The following NGEF variants were observed in gnomAD, a reference collection of about 807,000 sequenced individuals.
The protein encoded by NGEF is ephexin-1.
NGEF carries 31 observed loss-of-function variants against 80.9 expected under a neutral mutation model. The observed-to-expected ratio is 0.38, with a 90% CI of 0.29 to 0.52. NGEF has a LOEUF of 0.52. Ranked by LOEUF, NGEF falls within the 20% of genes least tolerant of loss-of-function variation. The probability of loss-of-function intolerance (pLI) is 0.84; values close to 1 mark genes in which losing one functional copy is unlikely to be tolerated. For missense variants in NGEF, 709 were observed against 926.2 expected (o/e 0.77, Z 3.04); for synonymous variants, 371 against 370.2 (o/e 1.00, Z -0.03).
At chr2:232,984,057 T>A (rs1320855305) in intron 1 of NGEF, among the ~76,000 whole-genome samples, 1 of 152,198 alleles carries the variant, frequency 6.6e-6, no homozygotes, top group South Asian at 2.1e-4. Flanking sequence ...GTGAAGAGCA[T>A]GCGCTTTCCT....
Position 232,883,463 on chromosome 2 carries a change from G to T in NGEF, c.1605C>A (p.Asp535Glu). Residue 535 changes from aspartate (D) to glutamate (E), a missense_variant, in exon 12 of 15, where the codon GAC (aspartate) becomes GAA (glutamate). By Grantham distance (45) the Asp-to-Glu change is conservative. This residue lies in a region of NGEF where 426 missense variants were observed against 622.9 expected (regional missense o/e 0.68). Transcript: ENST00000264051. ...LLVICRQIPG[D>E]KYQVFDSAPR... ...GAGCTGAGTCAAATACCTGGTACTT[G>T]TCTCTGGAGATCAGGGAGAAGGGCA... 2 of 1,592,252 alleles carry T rather than the reference G, an allele frequency of 1.3e-6. No individual in the cohort carries two copies. Among genetic ancestry groups the T allele is most frequent in the Non-Finnish European group, 1.7e-6 (2 of 1,168,850 alleles).
intron 1 of NGEF, among the ~76,000 whole-genome samples, chr2:233,005,102 C>T (rs190665186): frequency 5.9e-5 from 9 of 152,326 alleles, no homozygotes; most frequent in Middle Eastern, 3.4e-3. Flanking sequence ...GATTGGGTCT[C>T]GTTGTCCTCG....
chr2:232,993,873 C>T lies in NGEF; in HGVS notation c.-74-18909G>A, dbSNP rs559475118. ...GAAACGTCCAGAACCGGAGACTCCACAGAGACTGAAAGCAGATGAATGGTT... is the reference window on the plus strand; with the variant it reads ...GAAACGTCCAGAACCGGAGACTCCATAGAGACTGAAAGCAGATGAATGGTT... On this transcript the variant is annotated intron_variant, in intron 1 of 14. Coordinates refer to ENST00000264051, the MANE Select transcript of NGEF (RefSeq NM_019850.3). Among the ~76,000 whole-genome samples, 324 of 152,252 alleles carry T rather than the reference C, an allele frequency of 2.1e-3. 2 individuals carry two copies. The highest frequency in any genetic ancestry group is 7.5e-3 in the African/African-American group (312 of 41,544).
chr2:232,993,001 A>ATG (rs1694680926), intron 1 of NGEF, among the ~76,000 whole-genome samples: 1 of 125,652 alleles, frequency 8.0e-6, no homozygotes. Flanking sequence ...ATATATATAT[A>ATG]TATACACACA....
Position 232,929,242 on chromosome 2 carries a change from T to TG in NGEF, c.384-2057dup, listed in dbSNP as rs569783282. The stretch of plus-strand genomic sequence containing the variant: ...TTGTTTAAATTAGCAAATTCTTCGT[T>TG]GGGGGGGATGCAAACATTCCTGGTG... On this transcript the variant is annotated intron_variant, in intron 3 of 14. Coordinates refer to ENST00000264051, the MANE Select transcript of NGEF (RefSeq NM_019850.3). 2.6e-3 allele frequency among the ~76,000 whole-genome samples: 392 copies of TG among 152,074 alleles called. 4 individuals carry two copies. Among genetic ancestry groups the TG allele is most frequent in the Middle Eastern group, 0.01 (3 of 294 alleles).
At chr2:232,985,575 A>ACCC (rs1694516698) in intron 1 of NGEF, among the ~76,000 whole-genome samples, 1 of 151,828 alleles carries the variant, frequency 6.6e-6, no homozygotes, top group South Asian at 2.1e-4. Context: ...ACATGGTGAA[A>ACCC]CCCTGTCTCT....
chr2:232,894,786 T>C lies in NGEF; in HGVS notation c.959A>G (p.Asn320Ser). ...ACTGACAGCCAGCACGTCCAGGACG[T>C]TGGAGAAGAGGATGTGCGCCTCGGA... ...HPSEAHILFSNVLDVLAVSER... is the reference protein window; with the variant it reads ...HPSEAHILFSSVLDVLAVSER... Residue 320 changes from asparagine (N) to serine (S), a missense_variant, in exon 6 of 15, where the codon AAC (asparagine) becomes AGC (serine). Asn to Ser is a conservative substitution (Grantham distance 46). Transcript: ENST00000264051. 7.5e-6 allele frequency: 12 copies of C among 1,608,566 alleles called. No homozygotes were observed. The highest frequency in any genetic ancestry group is 1.1e-5 in the South Asian group (1 of 90,856).
chr2:232,966,246 T>C (rs1025995847), intron 3 of NGEF, among the ~76,000 whole-genome samples: 6 of 152,144 alleles, frequency 3.9e-5, no homozygotes, highest in African/African-American at 9.7e-5. Flanking sequence ...GGGAGGTCTC[T>C]GACCACAATT....
At chr2:232,945,482 CACA>C (rs1305913505) in intron 3 of NGEF, among the ~76,000 whole-genome samples, 5 of 151,968 alleles carry the variant, frequency 3.3e-5, no homozygotes, top group Non-Finnish European at 7.4e-5. Context: ...CAGACACAGA[CACA>C]GACACAGACA....
chr2:233,007,986 C>T (rs758982087), intron 1 of NGEF, among the ~76,000 whole-genome samples: 20 of 152,338 alleles, frequency 1.3e-4, no homozygotes, highest in Non-Finnish European at 1.9e-4. Context: ...TTTCCTCCAA[C>T]GCTCAAGAAT....
At chr2:232,881,989 TCA>T (rs983035924) in intron 13 of NGEF, among the ~76,000 whole-genome samples, 195 bp downstream of exon 13, 2 of 152,198 alleles carry the variant, frequency 1.3e-5, no homozygotes, top group Non-Finnish European at 2.9e-5. Context: ...CATCCAGCAT[TCA>T]CACAGTGTGG....
chr2:232,980,534 T>C (rs1694391223), intron 1 of NGEF, among the ~76,000 whole-genome samples: 1 of 152,112 alleles, frequency 6.6e-6, no homozygotes, highest in South Asian at 2.1e-4. Flanking sequence ...AGTCTTGCTC[T>C]GTCGCCTAGG....
At chr2:232,966,624 A>C (rs1414045586) in intron 3 of NGEF, among the ~76,000 whole-genome samples, 1 of 152,098 alleles carries the variant, frequency 6.6e-6, no homozygotes, top group African/African-American at 2.4e-5. Flanking sequence ...AACTCCCCCA[A>C]ACAAAACCCA....
chr2:232,965,158 T>C (rs1559227076), intron 3 of NGEF, among the ~76,000 whole-genome samples: 1 of 152,248 alleles, frequency 6.6e-6, no homozygotes, highest in African/African-American at 2.4e-5. Context: ...GTAGTCTCTC[T>C]TTAATTGTTA....
chr2:232,882,061 T>C (rs183774590), intron 13 of NGEF, 125 bp downstream of exon 13: 18 of 814,716 alleles, frequency 2.2e-5, no homozygotes, highest in Non-Finnish European at 3.4e-5. Flanking sequence ...TGGAGGCCCG[T>C]GCAGGCCTCT....
intron 8 of NGEF, among the ~76,000 whole-genome samples, chr2:232,889,816 T>C (rs1691817928): frequency 6.6e-6 from 1 of 152,158 alleles, no homozygotes; most frequent in African/African-American, 2.4e-5. Context: ...GCCTCCTCTC[T>C]GTAATTCTGC....
chr2:232,938,479 C>CTA (rs1396214345), intron 3 of NGEF, among the ~76,000 whole-genome samples: 2 of 152,246 alleles, frequency 1.3e-5, no homozygotes, highest in African/African-American at 4.8e-5. Flanking sequence ...TTTCTCTGGA[C>CTA]TATTCCTAAC....
Position 232,984,468 on chromosome 2 carries a change from C to T in NGEF, c.-74-9504G>A, listed in dbSNP as rs111597824. 1.3e-3 allele frequency among the ~76,000 whole-genome samples: 200 copies of T among 152,148 alleles called. 2 individuals carry two copies. Among genetic ancestry groups the T allele is most frequent in the Middle Eastern group, 6.8e-3 (2 of 294 alleles). On this transcript the variant is annotated intron_variant, in intron 1 of 14. Coordinates refer to ENST00000264051, the MANE Select transcript of NGEF (RefSeq NM_019850.3). ...ATTTGTTTTTTACAGGATGGAAGTC[C>T]GATGCCAGAGAGTTGTAGGTTATGG...
intron 4 of NGEF, among the ~76,000 whole-genome samples, chr2:232,926,715 G>A (rs1452516303): frequency 6.6e-6 from 1 of 152,164 alleles, no homozygotes; most frequent in Non-Finnish European, 1.5e-5. Context: ...CCGCTGCACA[G>A]CTCAGCCGCG....
Sources: allele counts gnomAD v4.1 joint callset (sites outside exome capture counted in the v4.1 genomes callset), GRCh38; gene constraint gnomAD v4.1.1; regional missense constraint gnomAD v4.1.1; transcripts MANE v1.5; gene names NCBI Gene and HGNC (gene_info 2026-07-23, HGNC 2026-07-21).